TMEM192: variants seen among roughly 807,000 people sequenced by gnomAD.
TMEM192 encodes the protein transmembrane protein 192.
Under a neutral mutation model 26.7 loss-of-function variants are expected in TMEM192, and 20 were observed. The ratio of observed to expected loss-of-function variants is 0.75; its 90% CI spans 0.53 to 1.09. TMEM192 has a LOEUF of 1.09. Ranked by LOEUF, TMEM192 falls within the 50% of genes least tolerant of loss-of-function variation. The pLI is 0.00. For synonymous variants in TMEM192, 124 were observed against 121.0 expected (o/e 1.02, Z -0.16); for missense variants, 304 against 322.6 (o/e 0.94, Z 0.44).
At chr4:165,102,685 T>C (rs1279632416) in intron 2 of TMEM192, among the ~76,000 whole-genome samples, 24 of 152,150 alleles carry the variant, frequency 1.6e-4, no homozygotes, top group Admixed American at 1.6e-3. Flanking sequence ...TGTAGTCTCT[T>C]GATATGACAG....
At chr4:165,102,120 CACATGTGTTTTTAT>C (rs1431793095) in intron 2 of TMEM192, among the ~76,000 whole-genome samples, 2 of 152,174 alleles carry the variant, frequency 1.3e-5, no homozygotes, top group Non-Finnish European at 2.9e-5. Context: ...AGACCTTTTG[CACATGTGTTTTTAT>C]AAACTCCAGA....
intron 5 of TMEM192, among the ~76,000 whole-genome samples, chr4:165,080,417 A>G: frequency 6.6e-6 from 1 of 152,292 alleles, no homozygotes; most frequent in East Asian, 1.9e-4. Context: ...CACTAATTTA[A>G]GATATTAGTA....
intron 5 of TMEM192, among the ~76,000 whole-genome samples, chr4:165,081,969 CTT>C (rs566897916): frequency 1.1e-4 from 3 of 26,708 alleles, no homozygotes; most frequent in Admixed American, 5.4e-4. Context: ...TGACCATCTT[CTT>C]TTTTTTTTTT....
Position 165,085,680 on chromosome 4 carries a change from G to A in TMEM192, c.583C>T (p.Arg195Trp), listed in dbSNP as rs373979273. 8.1e-6 allele frequency: 13 copies of A among 1,595,174 alleles called. No individual in the cohort carries two copies. Among genetic ancestry groups the A allele is most frequent in the South Asian group, 5.7e-5 (5 of 87,802 alleles). The change falls in exon 5 of 6, where the codon CGG becomes TGG. Residue 195 changes from arginine to tryptophan, a missense_variant. Transcript: ENST00000306480. ...TCTGGTTTAGCTTTATTAAATCTCCGGATTTTCACTAAAATAATAAAGTCA... is the reference window on the plus strand; with the variant it reads ...TCTGGTTTAGCTTTATTAAATCTCCAGATTTTCACTAAAATAATAAAGTCA... ...ICLLIYTVKI[R>W]RFNKAKPEPD...
At chr4:165,090,628 G>C (rs1307805835) in intron 3 of TMEM192, among the ~76,000 whole-genome samples, 2 of 152,136 alleles carry the variant, frequency 1.3e-5, no homozygotes, top group Non-Finnish European at 1.5e-5. Flanking sequence ...AGAGGGGCCA[G>C]GTGTGGTGGC....
Position 165,079,763 on chromosome 4 carries a change from C to A in TMEM192, c.711G>T (p.Lys237Asn), listed in dbSNP as rs367897333. 30 of 1,613,820 alleles carry A rather than the reference C, an allele frequency of 1.9e-5. No individual in the cohort carries two copies. Among genetic ancestry groups the A allele is most frequent in the Non-Finnish European group, 2.5e-5 (30 of 1,179,930 alleles). ...TCAGGTATTCAATGGTGTCTCCTTG[C>A]TTTTCAACAATTTCTTCTAGGCTTG... Reference protein sequence around the residue: ...TISSLEEIVEKQGDTIEYLKR... With the variant: ...TISSLEEIVENQGDTIEYLKR... Residue 237 changes from lysine to asparagine, a missense_variant, in exon 6 of 6, where the codon AAG becomes AAT. Physicochemically the swap from Lys to Asn is moderately conservative, Grantham distance 94. Transcript: ENST00000306480.
chr4:165,080,583 T>C (rs1442231003), intron 5 of TMEM192, among the ~76,000 whole-genome samples: 1 of 152,130 alleles, frequency 6.6e-6, no homozygotes, highest in Non-Finnish European at 1.5e-5. Flanking sequence ...CAAGGGATGG[T>C]AAGTGAGAAA....
At chr4:165,096,451 C>G (rs1184775897) in intron 3 of TMEM192, among the ~76,000 whole-genome samples, 1 of 151,492 alleles carries the variant, frequency 6.6e-6, no homozygotes, top group Non-Finnish European at 1.5e-5. Context: ...GGAAGGAGAA[C>G]AGATTAATCA....
rs1030149024 is a variant in TMEM192, at chr4:165,090,693, T to C, written c.440-2091A>G. 2.7e-5 allele frequency among the ~76,000 whole-genome samples: 4 copies of C among 150,080 alleles called. 1 individual carries two copies. The South Asian group carries it at 8.4e-4, about 32-fold the overall frequency. On this transcript the variant is annotated intron_variant, in intron 3 of 5. Transcript: ENST00000306480. ...GCTGAGGCAGGTGGATCACTTGAGG[T>C]CAGGAGTTCGAGAGCAGCATGGCCA...
intron 4 of TMEM192, among the ~76,000 whole-genome samples, chr4:165,086,679 C>G (rs549861240): frequency 6.6e-6 from 1 of 152,138 alleles, no homozygotes; most frequent in South Asian, 2.1e-4. Flanking sequence ...CCCGCTGAGG[C>G]CTCCCAAAGT....
At position 165,111,170 on chromosome 4, in the gene TMEM192, G is replaced by A. The variant is rs558230940; in HGVS notation, c.27+1577C>T. On this transcript the variant is annotated intron_variant, in intron 1 of 5. Transcript: ENST00000306480. ...GCTGGAGTGCAGTGATGCGATCTTGGCTCACTGCAACCTCTGCCTTCCGGG... is the reference window on the plus strand; with the variant it reads ...GCTGGAGTGCAGTGATGCGATCTTGACTCACTGCAACCTCTGCCTTCCGGG... 5.9e-5 allele frequency among the ~76,000 whole-genome samples: 9 copies of A among 152,248 alleles called. No individual in the cohort carries two copies. The South Asian group carries it at 1.9e-3, about 32-fold the overall frequency.
Position 165,072,534 on chromosome 4 carries a change from G to T in TMEM192, c.*7124C>A. 1 of 148,332 alleles carries T rather than the reference G, an allele frequency of 6.7e-6. No individual in the cohort carries two copies. Among genetic ancestry groups the T allele is most frequent in the Non-Finnish European group, 1.5e-5 (1 of 67,358 alleles). 9.2% of individuals were successfully genotyped at this position (148,332 alleles called of 1,614,324 possible). A position where few individuals can be genotyped will look rare whatever the true frequency, so the allele number is the denominator to read the frequency against. On this transcript the variant is annotated 3_prime_UTR_variant, in exon 6 of 6. Coordinates refer to ENST00000306480, the MANE Select transcript of TMEM192 (RefSeq NM_001100389.2). ...ATCGCGCCACTGCACTCCAGCCTGG[G>T]CAACAGAGCGAGACTCCCTCCCCCA...
At chr4:165,091,433 T>C (rs1217162498) in intron 3 of TMEM192, among the ~76,000 whole-genome samples, 1 of 152,180 alleles carries the variant, frequency 6.6e-6, no homozygotes, top group Non-Finnish European at 1.5e-5. Context: ...AATTGGATTA[T>C]GTTGAAGGAC....
intron 5 of TMEM192, among the ~76,000 whole-genome samples, chr4:165,085,039 C>A (rs937695345): frequency 1.3e-5 from 2 of 152,094 alleles, no homozygotes; most frequent in African/African-American, 4.8e-5. Context: ...CTTTGGGAGG[C>A]TGAGGCGGGC....
intron 4 of TMEM192, among the ~76,000 whole-genome samples, chr4:165,086,879 C>T (rs1402092450): frequency 5.3e-5 from 8 of 151,934 alleles, no homozygotes; most frequent in Non-Finnish European, 1.0e-4. Flanking sequence ...TTTGGGAGGC[C>T]GAGGCGGATA....
intron 1 of TMEM192, among the ~76,000 whole-genome samples, chr4:165,106,831 T>C (rs978016630): frequency 2.0e-5 from 3 of 152,184 alleles, no homozygotes; most frequent in African/African-American, 7.2e-5. Context: ...TGGCCTATCA[T>C]GGGACTTCAC....
At position 165,108,990 on chromosome 4, in the gene TMEM192, T is replaced by C. The variant is rs1312022466; in HGVS notation, c.27+3757A>G. On this transcript the variant is annotated intron_variant, in intron 1 of 5. Transcript: ENST00000306480. Reference sequence around the variant, plus strand: ...CAGCATTTGTTTCCCATCTCTGAGATTGCTACCCTTCATTGTCTGATGTCC... The same window carrying C: ...CAGCATTTGTTTCCCATCTCTGAGACTGCTACCCTTCATTGTCTGATGTCC... 2.0e-5 allele frequency among the ~76,000 whole-genome samples: 3 copies of C among 152,242 alleles called. No individual in the cohort carries two copies. In the East Asian group the frequency reaches 5.8e-4, roughly 29 times the overall value.
intron 3 of TMEM192, among the ~76,000 whole-genome samples, chr4:165,098,103 A>G (rs1200777595): frequency 6.6e-6 from 1 of 150,798 alleles, no homozygotes; most frequent in Non-Finnish European, 1.5e-5. Context: ...TGCTAGCATT[A>G]CAGGCATGAG....
At position 165,076,508 on chromosome 4, in the gene TMEM192, G is replaced by A. The variant is rs1385766231; in HGVS notation, c.*3150C>T. ...TTGGTTCCAGCTATACACAGTGCTT[G>A]TGATATTTTGTAGCTATTTGCCTTC... On this transcript the variant is annotated 3_prime_UTR_variant, in exon 6 of 6. Transcript: ENST00000306480. The A allele has an allele frequency of 6.6e-6, 1 of 152,346 alleles. No homozygotes were observed. The highest frequency in any genetic ancestry group is 1.5e-5 in the Non-Finnish European group (1 of 68,072). The allele number at this position is 152,346 out of a possible 1,614,324, so 9.4% of individuals were successfully genotyped here. A position where few individuals can be genotyped will look rare whatever the true frequency, so the allele number is the denominator to read the frequency against.
Sources: allele counts gnomAD v4.1 joint callset (sites outside exome capture counted in the v4.1 genomes callset), GRCh38; gene constraint gnomAD v4.1.1; transcripts MANE v1.5; gene names NCBI Gene and HGNC (gene_info 2026-07-23, HGNC 2026-07-21).